Variants in IL1RAPL1 observed in about 807,000 individuals in gnomAD.
The protein encoded by IL1RAPL1 is interleukin 1 receptor accessory protein like 1.
IL1RAPL1 carries 3 observed loss-of-function variants against 48.4 expected under a neutral mutation model. The observed-to-expected ratio is 0.06, with a 90% confidence interval of 0.03 to 0.16. IL1RAPL1 has a LOEUF of 0.16. Ranked by LOEUF, IL1RAPL1 falls within the 10% of genes least tolerant of loss-of-function variation. The pLI, the probability that IL1RAPL1 is intolerant of heterozygous loss-of-function variation, is 1.00. For synonymous variants in IL1RAPL1, 185 were observed against 187.7 expected, an observed-to-expected ratio of 0.99 and a Z score of 0.12; for missense variants, 349 against 530.6, an observed-to-expected ratio of 0.66 and a Z score of 3.36.
intron 3 of IL1RAPL1, among the ~76,000 whole-genome samples, chrX:29,336,122 A>G (rs1334906804): frequency 1.9e-5 from 2 of 104,886 alleles, no homozygotes; most frequent in African/African-American, 6.8e-5. Flanking sequence ...ATATACATAT[A>G]TACATATATA....
At chrX:29,745,412 T>C (rs1436911320) in intron 6 of IL1RAPL1, among the ~76,000 whole-genome samples, 2 of 105,489 alleles carry the variant, frequency 1.9e-5, no homozygotes, top group African/African-American at 6.9e-5. Flanking sequence ...CCCTTCTCTT[T>C]ATTCCTTAAG....
chrX:29,418,750 C>T (rs1934255145), intron 5 of IL1RAPL1, among the ~76,000 whole-genome samples: 2 of 111,799 alleles, frequency 1.8e-5, no homozygotes, highest in South Asian at 7.4e-4. Context: ...TTGGTTATGA[C>T]ATTGCTAAAA....
intron 5 of IL1RAPL1, among the ~76,000 whole-genome samples, chrX:29,573,431 A>G (rs922239773): frequency 8.9e-6 from 1 of 112,367 alleles, no homozygotes; most frequent in African/African-American, 3.2e-5. Flanking sequence ...TAAGTTATAT[A>G]TAAAAATTCA....
intron 5 of IL1RAPL1, among the ~76,000 whole-genome samples, chrX:29,510,155 A>G (rs769937691): frequency 8.9e-6 from 1 of 112,382 alleles, no homozygotes; most frequent in African/African-American, 3.2e-5. Flanking sequence ...CACATTATAC[A>G]ATAGCACCTA....
intron 8 of IL1RAPL1, among the ~76,000 whole-genome samples, chrX:29,924,217 T>TCTAA (rs1400059608): frequency 8.9e-6 from 1 of 112,271 alleles, no homozygotes; most frequent in Admixed American, 9.5e-5. Context: ...ATTTCCTTGC[T>TCTAA]CTAACTATGT....
At chrX:29,215,948 A>G (rs1396647259) in intron 2 of IL1RAPL1, among the ~76,000 whole-genome samples, 5 of 111,060 alleles carry the variant, frequency 4.5e-5, no homozygotes, top group Non-Finnish European at 9.4e-5. Flanking sequence ...TGCTTGAACC[A>G]CAGTAACAAG....
intron 6 of IL1RAPL1, among the ~76,000 whole-genome samples, chrX:29,729,361 T>C (rs1000377875): frequency 9.0e-6 from 1 of 111,558 alleles, no homozygotes; most frequent in Non-Finnish European, 1.9e-5. Flanking sequence ...TCCACCAGAC[T>C]GTTCTGTAAA....
chrX:29,635,185 T>A (rs977319535), intron 5 of IL1RAPL1, among the ~76,000 whole-genome samples: 4 of 111,625 alleles, frequency 3.6e-5, no homozygotes, highest in Non-Finnish European at 5.6e-5. Context: ...AAGAAAAATT[T>A]ATTTAATTAA....
chrX:29,220,288 C>T (rs1930950442), intron 2 of IL1RAPL1, among the ~76,000 whole-genome samples: 1 of 112,130 alleles, frequency 8.9e-6, no homozygotes, highest in Non-Finnish European at 1.9e-5. Flanking sequence ...TAATTCACCA[C>T]AATTAAAAAT....
intron 5 of IL1RAPL1, among the ~76,000 whole-genome samples, chrX:29,527,170 G>T (rs1026655683): frequency 2.3e-4 from 25 of 109,808 alleles, no homozygotes; most frequent in Non-Finnish European, 3.6e-4. Context: ...ATAATAAATG[G>T]TTTCGTATAA....
At chrX:29,456,211 G>T (rs759939341) in intron 5 of IL1RAPL1, among the ~76,000 whole-genome samples, 2 of 112,236 alleles carry the variant, frequency 1.8e-5, no homozygotes, top group South Asian at 3.7e-4. Flanking sequence ...TTTGTTGCAC[G>T]TTTTTGAAGT....
At chrX:29,674,100 A>G (rs1263799506) in intron 6 of IL1RAPL1, among the ~76,000 whole-genome samples, 7 of 111,660 alleles carry the variant, frequency 6.3e-5, no homozygotes, top group Non-Finnish European at 1.1e-4. Flanking sequence ...AAAAACTGCT[A>G]TCTACGTAGA....
chrX:29,764,551 G>A (rs1183245614), intron 6 of IL1RAPL1, among the ~76,000 whole-genome samples: 2 of 111,622 alleles, frequency 1.8e-5, no homozygotes, highest in Non-Finnish European at 3.8e-5. Context: ...CAGTCAATAG[G>A]GGAACAATAA....
chrX:29,920,794 C>CAAAAA (rs1176529100), intron 8 of IL1RAPL1, among the ~76,000 whole-genome samples: 578 of 30,270 alleles, frequency 0.019, no homozygotes, highest in Non-Finnish European at 0.022. Context: ...GACCCTGTCT[C>CAAAAA]AAAAAAAAAA....
chrX:28,852,872 C>T (rs1876303630), intron 2 of IL1RAPL1, among the ~76,000 whole-genome samples: 2 of 91,936 alleles, frequency 2.2e-5, no homozygotes, highest in Non-Finnish European at 4.5e-5. Context: ...TCTCTTTGTG[C>T]TTTCCTTTTT....
At chrX:29,356,624 C>T (rs919119662) in intron 3 of IL1RAPL1, among the ~76,000 whole-genome samples, 5 of 110,776 alleles carry the variant, frequency 4.5e-5, no homozygotes, top group African/African-American at 1.6e-4. Flanking sequence ...CTTCGTGGTT[C>T]TCCATAGTGG....
chrX:28,940,855 TGATC>T (rs1924147042), intron 2 of IL1RAPL1, among the ~76,000 whole-genome samples: 1 of 110,559 alleles, frequency 9.0e-6, no homozygotes, highest in African/African-American at 3.3e-5. Context: ...AATTATGACA[TGATC>T]AATCAATGTA....
At chrX:28,954,920 C>A (rs1242951766) in intron 2 of IL1RAPL1, among the ~76,000 whole-genome samples, 1 of 111,693 alleles carries the variant, frequency 9.0e-6, no homozygotes, top group Admixed American at 9.6e-5. Flanking sequence ...GTTTATTTAC[C>A]TGAAGATATA....
At chrX:29,917,231 G>T (rs763994653) in intron 6 of IL1RAPL1, among the ~76,000 whole-genome samples, 1 of 112,145 alleles carries the variant, frequency 8.9e-6, no homozygotes, top group South Asian at 3.7e-4. Context: ...TACAATAGCC[G>T]ACCAGTCCTC....
Sources: gnomAD v4.1 joint callset for allele counts (sites outside exome capture counted in the v4.1 genomes callset) on GRCh38, gnomAD v4.1.1 for gene constraint, MANE v1.5 for transcripts, NCBI Gene and HGNC (gene_info 2026-07-23, HGNC 2026-07-21) for gene names.